The following EML1 variants were observed in gnomAD, a reference collection of about 807,000 sequenced individuals.
EML1 encodes EMAP like 1.
A neutral mutation model predicts 110.4 loss-of-function variants in EML1; 27 were observed. The observed-to-expected ratio is 0.24, with a 90% confidence interval of 0.18 to 0.34. The LOEUF is 0.34. EML1 is among the 10% of genes least tolerant of loss of function. EML1 has a pLI of 1.00. For missense variants in EML1, 741 were observed against 1,030.9 expected (o/e 0.72, Z 3.85); for synonymous variants, 344 against 385.8 (o/e 0.89, Z 1.27).
intron 17 of EML1, among the ~76,000 whole-genome samples, chr14:99,927,369 G>A (rs919240433): frequency 1.5e-4 from 23 of 152,216 alleles, no homozygotes; most frequent in Middle Eastern, 3.4e-3. Flanking sequence ...TTGTCTTCAC[G>A]TGTTCCTCTG....
At chr14:99,787,265 ATTC>A (rs1258511409) in intron 1 of EML1, among the ~76,000 whole-genome samples, 9 of 111,756 alleles carry the variant, frequency 8.1e-5, no homozygotes, top group Non-Finnish European at 1.7e-4. Flanking sequence ...TGACTCTGAG[ATTC>A]TTTTTTTTTT....
At chr14:99,883,524 C>A (rs1175616219) in intron 4 of EML1, 1 of 149,236 alleles carries the variant, frequency 6.7e-6, no homozygotes, top group Non-Finnish European at 1.5e-5. Context: ...GGAATGAGAC[C>A]CTTCCTCAAA....
At chr14:99,894,845 G>C in intron 6 of EML1, 87 bp downstream of exon 6, 1 of 1,452,656 alleles carries the variant, frequency 6.9e-7, no homozygotes, top group South Asian at 1.6e-5. Context: ...TAAAACTTAA[G>C]TCCTCTTAAG....
At chr14:99,919,666 C>T (rs1336591164) in intron 16 of EML1, among the ~76,000 whole-genome samples, 1 of 152,118 alleles carries the variant, frequency 6.6e-6, no homozygotes, top group African/African-American at 2.4e-5. Context: ...CTCATCTGTA[C>T]CTCTTGCCAT....
chr14:99,900,181 CTTTTTTT>C (rs3071437), intron 8 of EML1, among the ~76,000 whole-genome samples: 31,645 of 106,788 alleles, frequency 0.3, 4,237 homozygotes, highest in African/African-American at 0.45. Context: ...ATATTAAGCT[CTTTTTTT>C]TTTTTTTTTT....
intron 20 of EML1, among the ~76,000 whole-genome samples, chr14:99,938,678 G>A (rs2060519031): frequency 6.6e-6 from 1 of 152,366 alleles, no homozygotes; most frequent in South Asian, 2.1e-4. Flanking sequence ...CCTGGAGCCA[G>A]TAATGATGGG....
chr14:99,843,801 G>A (rs1428712634), intron 1 of EML1, among the ~76,000 whole-genome samples: 1 of 152,196 alleles, frequency 6.6e-6, no homozygotes, highest in Non-Finnish European at 1.5e-5. Flanking sequence ...TTCCCAGGTA[G>A]GTGTGTGTTG....
chr14:99,846,421 T>G (rs1405631626), intron 1 of EML1, among the ~76,000 whole-genome samples: 2 of 151,844 alleles, frequency 1.3e-5, no homozygotes, highest in Non-Finnish European at 2.9e-5. Context: ...TAGCTGGGAC[T>G]ACAGGTGTGT....
upstream of EML1, among the ~76,000 whole-genome samples, chr14:99,788,826 T>A (rs976204432): frequency 2.0e-5 from 3 of 152,138 alleles, no homozygotes; most frequent in African/African-American, 4.8e-5. Context: ...TATTCCTTCC[T>A]CTCCCCAGCC....
intron 1 of EML1, among the ~76,000 whole-genome samples, chr14:99,775,260 G>C (rs545454688): frequency 1.3e-5 from 2 of 152,330 alleles, no homozygotes; most frequent in South Asian, 4.1e-4. Flanking sequence ...AGGGAGTGCA[G>C]AGCTCAGTGG....
chr14:99,925,818 C>T (rs1208131316), intron 17 of EML1, among the ~76,000 whole-genome samples: 1 of 152,176 alleles, frequency 6.6e-6, no homozygotes, highest in Non-Finnish European at 1.5e-5. Flanking sequence ...ATGCACCAGC[C>T]TCCCGTCAGC....
chr14:99,763,005 A>T (rs2057330574), intron 1 of EML1, among the ~76,000 whole-genome samples: 1 of 151,942 alleles, frequency 6.6e-6, no homozygotes, highest in Non-Finnish European at 1.5e-5. Context: ...TGTGGGAGGG[A>T]CTCAGTGGGA....
chr14:99,835,079 C>T (rs1210499330), intron 1 of EML1, among the ~76,000 whole-genome samples: 1 of 152,184 alleles, frequency 6.6e-6, no homozygotes, highest in Admixed American at 6.5e-5. Flanking sequence ...GCCTCAGCCT[C>T]CCAAAGTGCT....
intron 7 of EML1, among the ~76,000 whole-genome samples, 171 bp downstream of exon 7, chr14:99,897,465 G>A (rs1319316251): frequency 6.6e-6 from 1 of 152,120 alleles, no homozygotes; most frequent in Admixed American, 6.5e-5. Flanking sequence ...AGCAGAACAC[G>A]GTCAGTATTG....
At chr14:99,914,382 G>T in intron 14 of EML1, 78 bp downstream of exon 14, 2 of 1,567,058 alleles carry the variant, frequency 1.3e-6, no homozygotes, top group Non-Finnish European at 1.7e-6. Flanking sequence ...TTACAATCAG[G>T]TGCTTTATAC....
chr14:99,829,814 C>T (rs574790906), intron 1 of EML1, among the ~76,000 whole-genome samples: 10 of 152,336 alleles, frequency 6.6e-5, no homozygotes, highest in Admixed American at 2.0e-4. Context: ...GTTCCATCTG[C>T]TTACCAGAAC....
chr14:99,790,879 A>G (rs1242977009), upstream of EML1, among the ~76,000 whole-genome samples: 1 of 60,704 alleles, frequency 1.6e-5, no homozygotes, highest in Non-Finnish European at 3.8e-5. Context: ...TTTTTTTGTG[A>G]CAGGGTCTTA....
chr14:99,795,004 A>G (rs2057743867), intron 1 of EML1, among the ~76,000 whole-genome samples: 1 of 152,242 alleles, frequency 6.6e-6, no homozygotes, highest in Non-Finnish European at 1.5e-5. Flanking sequence ...AAGTAGTTAT[A>G]TGCTTATGGT....
chr14:99,758,562 T>C (rs973596321), intron 1 of EML1, among the ~76,000 whole-genome samples: 2 of 152,192 alleles, frequency 1.3e-5, no homozygotes, highest in Non-Finnish European at 2.9e-5. Flanking sequence ...AAGCAAGTTT[T>C]AGAGATTAGT....
Sources: allele counts gnomAD v4.1 joint callset (sites outside exome capture counted in the v4.1 genomes callset), GRCh38; gene constraint gnomAD v4.1.1; transcripts MANE v1.5; gene names NCBI Gene and HGNC (gene_info 2026-07-23, HGNC 2026-07-21).